ITGB1: variants seen among roughly 807,000 people sequenced by gnomAD.
ITGB1 encodes integrin beta-1.
A neutral mutation model predicts 86.5 loss-of-function variants in ITGB1; 24 were observed. That is an observed-to-expected ratio of 0.28 (90% CI 0.20 to 0.39). The LOEUF is 0.39. Ranked by LOEUF, ITGB1 falls within the 10% of genes least tolerant of loss-of-function variation. The pLI, the probability that ITGB1 is intolerant of heterozygous loss-of-function variation, is 1.00. For synonymous variants in ITGB1, 323 were observed against 316.8 expected (o/e 1.02, Z -0.21); for missense variants, 556 against 946.9 (o/e 0.59, Z 5.42).
chr10:32,951,192 A>T (rs904148083), intron 1 of ITGB1, among the ~76,000 whole-genome samples: 2 of 152,318 alleles, frequency 1.3e-5, no homozygotes, highest in Non-Finnish European at 2.9e-5. Flanking sequence ...AAAATCTCAA[A>T]TAGATCTTGA....
At chr10:32,937,578 A>AG (rs71030023) in intron 1 of ITGB1, among the ~76,000 whole-genome samples, 53 of 146,400 alleles carry the variant, frequency 3.6e-4, no homozygotes, top group African/African-American at 1.3e-3. Flanking sequence ...AAAAAAAAAA[A>AG]GAGTTACAAA....
In ITGB1 at chr10:32,919,914, T is replaced by A. The variant is rs2094943552; in HGVS notation, c.1440A>T (p.Gly480=). Residue 480 remains glycine (G), a synonymous_variant, in exon 11 of 16, where the codon GGA becomes GGT. Transcript: ENST00000302278. ...ACGCGCCACACTCAAATGTCCCATTTCCTTCATGACACTTGGGACTTTCAG... is the reference window on the plus strand; with the variant it reads ...ACGCGCCACACTCAAATGTCCCATTACCTTCATGACACTTGGGACTTTCAG... ...GIPESPKCHE[G]NGTFECGACR... is the part of the protein sequence containing the mutation. The A allele has an allele frequency of 6.2e-7, 1 of 1,614,020 alleles. No homozygotes were observed. The highest frequency in any genetic ancestry group is 1.3e-5 in the African/African-American group (1 of 74,920).
chr10:32,926,581 TC>T (rs1018981505), intron 5 of ITGB1, among the ~76,000 whole-genome samples: 7 of 152,126 alleles, frequency 4.6e-5, no homozygotes, highest in Non-Finnish European at 1.0e-4. Flanking sequence ...AGAAGCCTGC[TC>T]CCCACTTTGC....
chr10:32,916,062 CAT>C (rs1301970195), intron 11 of ITGB1, among the ~76,000 whole-genome samples: 3 of 152,178 alleles, frequency 2.0e-5, no homozygotes, highest in Non-Finnish European at 4.4e-5. Context: ...ACAAAAAACA[CAT>C]GATTATCTCA....
At chr10:32,913,604 A>G (rs2094921085) in intron 11 of ITGB1, among the ~76,000 whole-genome samples, 1 of 152,208 alleles carries the variant, frequency 6.6e-6, no homozygotes, top group Admixed American at 6.5e-5. Context: ...TGAAGTGAGA[A>G]GTTTAGAGAA....
At chr10:32,934,509 A>T (rs1301509808) in intron 2 of ITGB1, among the ~76,000 whole-genome samples, 1 of 152,196 alleles carries the variant, frequency 6.6e-6, no homozygotes, top group African/African-American at 2.4e-5. Context: ...GGGCAACACT[A>T]CTAATATAAG....
intron 1 of ITGB1, 64 bp from the exon 2 acceptor site, chr10:32,935,622 A>G: frequency 1.7e-6 from 2 of 1,155,944 alleles, no homozygotes; most frequent in South Asian, 2.5e-5. Context: ...CATTAAATAG[A>G]AAGTATTACC....
chr10:32,944,693 T>C (rs1382646232), intron 1 of ITGB1: 3 of 670,600 alleles, frequency 4.5e-6, no homozygotes, highest in Admixed American at 3.6e-5. Context: ...AGCCCTAGAC[T>C]AAGCTTCTTA....
Position 32,911,768 on chromosome 10 carries a change from T to G in ITGB1, c.1709-98A>C. On this transcript the variant is annotated intron_variant, in intron 12 of 15. Coordinates refer to ENST00000302278, the MANE Select transcript of ITGB1 (RefSeq NM_002211.4). ...GCAACAACATGTGAGAAAGTATACC[T>G]AGGGGCGAGACTGACCCTCAAGCTA... 5 of 1,444,872 alleles carry G rather than the reference T, an allele frequency of 3.5e-6. No homozygotes were observed. In the South Asian group the frequency reaches 4.8e-5, roughly 14 times the overall value. The allele number at this position is 1,444,872 out of a possible 1,614,324, so 89.5% of individuals were successfully genotyped here. A position where few individuals can be genotyped will look rare whatever the true frequency, so the allele number is the denominator to read the frequency against.
At chr10:32,918,281 C>T (rs1316855079) in intron 11 of ITGB1, among the ~76,000 whole-genome samples, 1 of 151,926 alleles carries the variant, frequency 6.6e-6, no homozygotes, top group Non-Finnish European at 1.5e-5. Flanking sequence ...CAACATGTCA[C>T]ATGTATACAT....
At chr10:32,922,129 C>T (rs952410340) in intron 9 of ITGB1, 128 bp downstream of exon 9, 4 of 548,348 alleles carry the variant, frequency 7.3e-6, no homozygotes, top group African/African-American at 2.0e-5. Flanking sequence ...TAGATACATA[C>T]AGAATTTAAG....
intron 5 of ITGB1, among the ~76,000 whole-genome samples, chr10:32,926,679 G>A (rs578021785): frequency 3.3e-5 from 5 of 152,256 alleles, no homozygotes; most frequent in South Asian, 4.2e-4. Flanking sequence ...TTGCAGGACC[G>A]TAAACCAATT....
At position 32,936,731 on chromosome 10, in the gene ITGB1, G is replaced by A. The variant is rs138165950; in HGVS notation, c.1-1173C>T. 4.8e-3 allele frequency among the ~76,000 whole-genome samples: 730 copies of A among 152,174 alleles called. 9 individuals carry two copies. The highest frequency in any genetic ancestry group is 0.017 in the African/African-American group (696 of 41,518). On this transcript the variant is annotated intron_variant, in intron 1 of 15. Transcript: ENST00000302278. ...TCTTTGATTGGTCAAAGATGGCTAC[G>A]GCCACTGGTTGCTGACTTGATCCCT...
chr10:32,935,843 G>A, intron 1 of ITGB1: 1 of 255,242 alleles, frequency 3.9e-6, no homozygotes, highest in South Asian at 8.4e-5. Flanking sequence ...TTAATTAACA[G>A]CGCTCAAAAA....
At chr10:32,931,758 C>G (rs1208448704) in intron 3 of ITGB1, among the ~76,000 whole-genome samples, 3 of 152,074 alleles carry the variant, frequency 2.0e-5, no homozygotes, top group African/African-American at 7.2e-5. Context: ...TGCATGAAAA[C>G]AAAATCAGTA....
Position 32,911,690 on chromosome 10 carries a change from T to C in ITGB1, c.1709-20A>G. 6.2e-7 allele frequency: 1 copy of C among 1,610,196 alleles called. No individual in the cohort carries two copies. The highest frequency in any genetic ancestry group is 2.2e-5 in the East Asian group (1 of 44,844). On this transcript the variant is annotated intron_variant, in intron 12 of 15. Coordinates refer to ENST00000302278, the MANE Select transcript of ITGB1 (RefSeq NM_002211.4). ...CATTTCCTGCAATTAAGCATATCATTTCTCAAAATGGTAAAAATATACAAT... is the reference window on the plus strand; with the variant it reads ...CATTTCCTGCAATTAAGCATATCATCTCTCAAAATGGTAAAAATATACAAT...
At position 32,919,911 on chromosome 10, in the gene ITGB1, A is replaced by G. The variant is rs1202857407; in HGVS notation, c.1443T>C (p.Asn481=). ...IPESPKCHEG[N]GTFECGACRC... is the part of the protein sequence containing the mutation. ...TGCACGCGCCACACTCAAATGTCCC[A>G]TTTCCTTCATGACACTTGGGACTTT... Residue 481 remains asparagine (N), a synonymous_variant, in exon 11 of 16, where the codon AAT becomes AAC. Coordinates refer to ENST00000302278, the MANE Select transcript of ITGB1 (RefSeq NM_002211.4). 3 of 1,614,080 alleles carry G rather than the reference A, an allele frequency of 1.9e-6. No individual in the cohort carries two copies. The highest frequency in any genetic ancestry group is 2.5e-6 in the Non-Finnish European group (3 of 1,179,986).
chr10:32,953,569 G>A (rs916558059), intron 1 of ITGB1: 1 of 151,376 alleles, frequency 6.6e-6, no homozygotes, highest in Non-Finnish European at 1.5e-5. Flanking sequence ...GTTGCTCATG[G>A]AGAGAGAACT....
intron 1 of ITGB1, among the ~76,000 whole-genome samples, chr10:32,949,855 C>G (rs919776573): frequency 1.3e-5 from 2 of 151,834 alleles, no homozygotes; most frequent in African/African-American, 4.8e-5. Context: ...TTGGCATTTC[C>G]TTTTAAATTT....
Sources: allele counts gnomAD v4.1 joint callset (sites outside exome capture counted in the v4.1 genomes callset), GRCh38; gene constraint gnomAD v4.1.1; transcripts MANE v1.5; gene names NCBI Gene and HGNC (gene_info 2026-07-23, HGNC 2026-07-21).